The following CEP112 variants were observed in gnomAD, a reference collection of about 807,000 sequenced individuals.
The protein encoded by CEP112 is centrosomal protein of 112 kDa.
A neutral mutation model predicts 153.0 loss-of-function variants in CEP112; 127 were observed. The observed-to-expected ratio is 0.83, with a 90% CI of 0.72 to 0.96. The LOEUF is 0.96. CEP112 is among the 40% of genes least tolerant of loss of function. The probability of loss-of-function intolerance (pLI) is 0.00; values close to 1 mark genes in which losing one functional copy is unlikely to be tolerated. For synonymous variants in CEP112, 358 were observed against 374.4 expected (o/e 0.96, Z 0.51); for missense variants, 1,089 against 1,101.2 (o/e 0.99, Z 0.16).
intron 6 of CEP112, among the ~76,000 whole-genome samples, chr17:66,121,749 T>G (rs1033104167): frequency 6.6e-6 from 1 of 152,004 alleles, no homozygotes; most frequent in African/African-American, 2.4e-5. Flanking sequence ...TTGCCCAGGC[T>G]GGAGTACAGT....
chr17:65,977,251 C>T (rs1241143819), intron 17 of CEP112, among the ~76,000 whole-genome samples: 3 of 152,144 alleles, frequency 2.0e-5, no homozygotes, highest in African/African-American at 4.8e-5. Context: ...CACAACTACT[C>T]GACACTTTAG....
chr17:65,792,967 T>C (rs906695225), intron 21 of CEP112, among the ~76,000 whole-genome samples: 2 of 152,156 alleles, frequency 1.3e-5, no homozygotes, highest in Non-Finnish European at 2.9e-5. Flanking sequence ...CACCTCTTTT[T>C]AGCTGGACGC....
chr17:65,937,578 G>C (rs1599075399), intron 18 of CEP112, among the ~76,000 whole-genome samples: 1 of 71,662 alleles, frequency 1.4e-5, no homozygotes, highest in Admixed American at 1.8e-4. Context: ...GGGGGGGTCA[G>C]CCCCCCACCC....
chr17:66,003,260 T>A (rs2064135938), intron 17 of CEP112, among the ~76,000 whole-genome samples: 1 of 152,182 alleles, frequency 6.6e-6, no homozygotes, highest in African/African-American at 2.4e-5. Context: ...CAAAATTCAG[T>A]ATTTTGGCAA....
At chr17:65,777,505 T>C (rs10083877) in intron 21 of CEP112, among the ~76,000 whole-genome samples, 80,384 of 151,952 alleles carry the variant, frequency 0.53, 23,147 homozygotes, top group Non-Finnish European at 0.66. Flanking sequence ...CAGTTCTAAG[T>C]ACTTTGAGGG....
chr17:66,147,373 C>T (rs1028776114), intron 4 of CEP112, among the ~76,000 whole-genome samples: 1 of 151,930 alleles, frequency 6.6e-6, no homozygotes, highest in Non-Finnish European at 1.5e-5. Context: ...GAGATGAGTT[C>T]TTTACATATT....
chr17:65,736,817 C>T (rs938379966), intron 23 of CEP112, among the ~76,000 whole-genome samples: 2 of 152,132 alleles, frequency 1.3e-5, no homozygotes, highest in African/African-American at 4.8e-5. Flanking sequence ...TCAACCCATC[C>T]TCTTGCACTT....
chr17:65,714,488 C>T (rs191902018), intron 23 of CEP112, among the ~76,000 whole-genome samples: 27 of 152,056 alleles, frequency 1.8e-4, no homozygotes, highest in Admixed American at 1.1e-3. Context: ...ATATATCTGT[C>T]GGTTTACTCT....
chr17:66,072,149 T>C (rs918641197), intron 8 of CEP112, among the ~76,000 whole-genome samples: 1 of 152,180 alleles, frequency 6.6e-6, no homozygotes, highest in Non-Finnish European at 1.5e-5. Context: ...TATAAATGCA[T>C]ACATATTACT....
chr17:65,936,984 T>A (rs1444086609), intron 18 of CEP112, among the ~76,000 whole-genome samples: 1 of 150,256 alleles, frequency 6.7e-6, no homozygotes, highest in Non-Finnish European at 1.5e-5. Flanking sequence ...CCTGACTGGT[T>A]TTCGTATTTT....
At chr17:65,829,119 A>G (rs1004917149) in intron 21 of CEP112, among the ~76,000 whole-genome samples, 2 of 152,190 alleles carry the variant, frequency 1.3e-5, no homozygotes, top group African/African-American at 2.4e-5. Context: ...CTTTTTCAAT[A>G]TATTAAAAAA....
intron 19 of CEP112, among the ~76,000 whole-genome samples, chr17:65,910,278 A>C (rs1245322362): frequency 6.6e-6 from 1 of 152,180 alleles, no homozygotes; most frequent in Non-Finnish European, 1.5e-5. Context: ...TCAGAGGAGG[A>C]CTGACAGGCT....
intron 16 of CEP112, among the ~76,000 whole-genome samples, chr17:66,026,732 G>A (rs2145682724): frequency 6.6e-6 from 1 of 152,236 alleles, no homozygotes; most frequent in South Asian, 2.1e-4. Context: ...ATCCTCCTAT[G>A]TACTTTAAGT....
At chr17:65,743,239 A>G in intron 22 of CEP112, 22 bp from the exon 23 acceptor site, 2 of 1,575,902 alleles carry the variant, frequency 1.3e-6, no homozygotes, top group Non-Finnish European at 8.6e-7. Context: ...ACAGCATGCT[A>G]TAACTTCAAA....
intron 23 of CEP112, among the ~76,000 whole-genome samples, chr17:65,703,749 T>C (rs947697732): frequency 2.7e-5 from 4 of 148,180 alleles, no homozygotes; most frequent in Non-Finnish European, 4.5e-5. Context: ...AAGCCTTCTT[T>C]GTCCCCAAAT....
chr17:65,664,655 A>AT (rs1031139006), intron 24 of CEP112, among the ~76,000 whole-genome samples: 5 of 152,330 alleles, frequency 3.3e-5, no homozygotes, highest in African/African-American at 9.6e-5. Context: ...GATGTGACCG[A>AT]TGCAGCAGGT....
At chr17:66,110,275 T>C (rs965672762) in intron 6 of CEP112, among the ~76,000 whole-genome samples, 1 of 151,192 alleles carries the variant, frequency 6.6e-6, no homozygotes, top group Non-Finnish European at 1.5e-5. Flanking sequence ...GAGGATGCAG[T>C]GAGCAGAGAT....
At chr17:65,746,832 T>A (rs547186718) in intron 22 of CEP112, among the ~76,000 whole-genome samples, 1 of 152,194 alleles carries the variant, frequency 6.6e-6, no homozygotes, top group African/African-American at 2.4e-5. Flanking sequence ...GAATCATAAT[T>A]AAAAACCATA....
chr17:65,678,950 C>T (rs1598290680), intron 24 of CEP112, among the ~76,000 whole-genome samples: 1 of 151,956 alleles, frequency 6.6e-6, no homozygotes, highest in East Asian at 1.9e-4. Context: ...TTAAGTGATC[C>T]TTTAAAAATG....
Sources: gnomAD v4.1 joint callset for allele counts (sites outside exome capture counted in the v4.1 genomes callset) on GRCh38, gnomAD v4.1.1 for gene constraint, MANE v1.5 for transcripts, NCBI Gene and HGNC (gene_info 2026-07-23, HGNC 2026-07-21) for gene names.